ATP9A: variants seen among roughly 807,000 people sequenced by gnomAD.
ATP9A encodes the protein ATPase phospholipid transporting 9A, also known as probable phospholipid-transporting ATPase IIA.
ATP9A carries 52 observed loss-of-function variants against 144.1 expected under a neutral mutation model. The observed-to-expected ratio is 0.36, with a 90% CI of 0.29 to 0.45. ATP9A has a LOEUF of 0.45. Among genes scored for constraint, ATP9A ranks in the 20% least tolerant of loss-of-function variants. ATP9A has a pLI of 1.00. For synonymous variants in ATP9A, 582 were observed against 557.4 expected (o/e 1.04, Z -0.62); for missense variants, 947 against 1,392.7 (o/e 0.68, Z 5.09).
At chr20:51,698,238 A>T (rs1409402960) in intron 4 of ATP9A, among the ~76,000 whole-genome samples, 2 of 152,172 alleles carry the variant, frequency 1.3e-5, no homozygotes, top group African/African-American at 4.8e-5. Flanking sequence ...AAAAAACATG[A>T]CTGGGCCAGG....
chr20:51,639,883 C>A (rs1422223597), intron 14 of ATP9A, among the ~76,000 whole-genome samples: 1 of 152,050 alleles, frequency 6.6e-6, no homozygotes, highest in African/African-American at 2.4e-5. Context: ...GTCAGGAGTT[C>A]GAGACCAGCC....
At chr20:51,638,069 TTTTATATATATATATATATATATA>T (rs1194012009) in intron 15 of ATP9A, among the ~76,000 whole-genome samples, 3,572 of 73,124 alleles carry the variant, frequency 0.049, 193 homozygotes, top group East Asian at 0.12. Context: ...CATTTCATCA[TTTTATATATATATATATATATATA>T]TATATATATA....
intron 18 of ATP9A, 106 bp from the exon 19 acceptor site, chr20:51,622,278 C>T (rs1387446383): frequency 3.1e-5 from 27 of 879,026 alleles, no homozygotes; most frequent in Non-Finnish European, 4.2e-5. Context: ...TGGTATGTTC[C>T]GTTTACCTCC....
Position 51,642,757 on chromosome 20 carries a change from A to C in ATP9A, c.1507-3253T>G, listed in dbSNP as rs894095717. ...AAAAAAAAAAAAAAAAAAAAAAAAA[A>C]AAAAAAACCTGGCGTTCCTCTTGAG... is the stretch of plus-strand genomic sequence containing the variant. On this transcript the variant is annotated intron_variant, in intron 14 of 27. Coordinates refer to ENST00000338821, the MANE Select transcript of ATP9A (RefSeq NM_006045.3). Among the ~76,000 whole-genome samples, 868 of 138,448 alleles carry C rather than the reference A, an allele frequency of 6.3e-3. 14 individuals carry two copies. The highest frequency in any genetic ancestry group is 0.011 in the Non-Finnish European group (690 of 64,602). The allele number at this position is 138,448 out of a possible 152,430, so 90.8% of individuals were successfully genotyped here.
chr20:51,747,050 G>A (rs963079595), intron 1 of ATP9A, among the ~76,000 whole-genome samples: 1 of 151,126 alleles, frequency 6.6e-6, no homozygotes, highest in African/African-American at 2.4e-5. Context: ...AGGTATGAAG[G>A]GAAACTTTTG....
chr20:51,690,813 G>A lies in ATP9A; in HGVS notation c.649C>T (p.Leu217Phe), dbSNP rs752989407. 6.2e-7 allele frequency: 1 copy of A among 1,614,050 alleles called. No homozygotes were observed. The highest frequency in any genetic ancestry group is 1.3e-5 in the African/African-American group (1 of 75,032). ...GCGTACACATACGATCGAATCTGAA[G>A]AAGGTCCTGTTCAACAGAAGGCACA... ...TQRLPTAADLLQIRSYVYAEE... is the reference protein window; with the variant it reads ...TQRLPTAADLFQIRSYVYAEE... Residue 217 changes from leucine (L) to phenylalanine (F), a missense_variant, in exon 8 of 28, where the codon CTT becomes TTT. Around this residue, in one of 2 missense-constraint regions of ATP9A, gnomAD observed 770 missense variants for 1,047.9 expected, o/e 0.73. Transcript: ENST00000338821.
At chr20:51,655,070 A>G (rs931233518) in intron 14 of ATP9A, among the ~76,000 whole-genome samples, 1 of 152,246 alleles carries the variant, frequency 6.6e-6, no homozygotes, top group African/African-American at 2.4e-5. Flanking sequence ...ACTTATAAAT[A>G]TCATTGCTAA....
At chr20:51,667,383 G>A (rs917312736) in intron 13 of ATP9A, among the ~76,000 whole-genome samples, 1 of 152,208 alleles carries the variant, frequency 6.6e-6, no homozygotes. Flanking sequence ...GAGTCAACAC[G>A]ACTGAGAAGG....
chr20:51,762,769 G>C (rs1034099166), intron 1 of ATP9A, among the ~76,000 whole-genome samples: 6 of 144,012 alleles, frequency 4.2e-5, no homozygotes, highest in African/African-American at 1.6e-4. Context: ...GAGTGCAGCG[G>C]TATGATCAGG....
intron 13 of ATP9A, 30 bp downstream of exon 13, chr20:51,669,967 T>G: frequency 4.0e-6 from 6 of 1,512,426 alleles, no homozygotes; most frequent in Admixed American, 1.7e-5. Context: ...GTCAAAGAAT[T>G]GTTTTGGGTG....
chr20:51,671,313 T>TCC, intron 11 of ATP9A, 56 bp from the exon 12 acceptor site: 1 of 1,577,922 alleles, frequency 6.3e-7, no homozygotes, highest in Non-Finnish European at 8.7e-7. Flanking sequence ...GCTCCTTGTA[T>TCC]CTTTATAAAA....
At chr20:51,663,377 C>T (rs2077419046) in intron 13 of ATP9A, among the ~76,000 whole-genome samples, 1 of 152,104 alleles carries the variant, frequency 6.6e-6, no homozygotes, top group Non-Finnish European at 1.5e-5. Context: ...TGTCTTTGTG[C>T]TTGGCCGTAT....
chr20:51,759,960 C>T (rs1483080785), intron 1 of ATP9A, among the ~76,000 whole-genome samples: 1 of 152,110 alleles, frequency 6.6e-6, no homozygotes, highest in Non-Finnish European at 1.5e-5. Context: ...CCTGCCCCGC[C>T]CCCAGACACA....
intron 1 of ATP9A, among the ~76,000 whole-genome samples, chr20:51,749,235 G>A (rs2077821362): frequency 6.6e-6 from 1 of 152,058 alleles, no homozygotes; most frequent in African/African-American, 2.4e-5. Context: ...GAATGAAGAA[G>A]GTTGTTATAT....
chr20:51,645,984 G>A (rs143751570), intron 14 of ATP9A, among the ~76,000 whole-genome samples: 82 of 152,340 alleles, frequency 5.4e-4, no homozygotes, highest in African/African-American at 1.8e-3. Context: ...ACACAACCTC[G>A]TTAAGGTGGA....
chr20:51,712,836 A>C (rs1256127493), intron 4 of ATP9A, 130 bp downstream of exon 4: 17 of 782,638 alleles, frequency 2.2e-5, no homozygotes, highest in Non-Finnish European at 3.4e-5. Flanking sequence ...CTGGTGCTGG[A>C]GTAACCAAGC....
chr20:51,639,524 G>A lies in ATP9A; in HGVS notation c.1507-20C>T, dbSNP rs756414431. The stretch of plus-strand genomic sequence containing the variant: ...GGCCACCTAAACATAACACAGGGTC[G>A]AAGGTCAGATGCCCAGCCGAGAATC... On this transcript the variant is annotated intron_variant, in intron 14 of 27. Transcript: ENST00000338821. 8 of 1,591,378 alleles carry A rather than the reference G, an allele frequency of 5.0e-6. No individual in the cohort carries two copies. The African/African-American group carries it at 5.4e-5, about 11-fold the overall frequency.
In ATP9A at chr20:51,764,851, A is replaced by AG. The variant is rs1484270886; in HGVS notation, c.68+3450dup. 1.1e-4 allele frequency among the ~76,000 whole-genome samples: 16 copies of AG among 152,136 alleles called. No homozygotes were observed. In the Middle Eastern group the frequency reaches 0.01, roughly 97 times the overall value. The stretch of plus-strand genomic sequence containing the variant: ...ATTCTCCTGCCTCAGCCTCCCCAGT[A>AG]GCTGGAATTACAGGCACCACCACCA... On this transcript the variant is annotated intron_variant, in intron 1 of 27. Transcript: ENST00000338821.
chr20:51,676,334 G>C, intron 9 of ATP9A, 126 bp from the exon 10 acceptor site: 1 of 670,148 alleles, frequency 1.5e-6, no homozygotes, highest in East Asian at 2.9e-5. Flanking sequence ...ACAGAGTCTT[G>C]CTCTGTTGCT....
Sources: gnomAD v4.1 joint callset for allele counts (sites outside exome capture counted in the v4.1 genomes callset) on GRCh38, gnomAD v4.1.1 for gene constraint, gnomAD v4.1.1 regional missense constraint, MANE v1.5 for transcripts, NCBI Gene and HGNC (gene_info 2026-07-23, HGNC 2026-07-21) for gene names.